The following EPHA3 variants were observed in gnomAD, a reference collection of about 807,000 sequenced individuals.
EPHA3 encodes the protein ephrin type-A receptor 3.
EPHA3 carries 42 observed loss-of-function variants against 107.1 expected under a neutral mutation model. The ratio of observed to expected loss-of-function variants is 0.39; its 90% CI spans 0.31 to 0.51. The LOEUF (loss-of-function observed/expected upper bound fraction) is 0.51, where lower values mean the gene tolerates loss of function less well. Ranked by LOEUF, EPHA3 falls within the 20% of genes least tolerant of loss-of-function variation. The probability of loss-of-function intolerance (pLI) is 0.78; values close to 1 mark genes in which losing one functional copy is unlikely to be tolerated. For synonymous variants in EPHA3, 461 were observed against 424.8 expected, an observed-to-expected ratio of 1.09 and a Z score of -1.05; for missense variants, 1,183 against 1,211.2, an observed-to-expected ratio of 0.98 and a Z score of 0.35.
chr3:89,166,874 A>G (rs1214559332), intron 2 of EPHA3, among the ~76,000 whole-genome samples: 1 of 152,152 alleles, frequency 6.6e-6, no homozygotes, highest in Non-Finnish European at 1.5e-5. Flanking sequence ...ACAAAAACAC[A>G]AGCACAGCAA....
At chr3:89,112,917 G>C (rs550397943) in intron 1 of EPHA3, among the ~76,000 whole-genome samples, 1 of 151,580 alleles carries the variant, frequency 6.6e-6, no homozygotes, top group Admixed American at 6.6e-5. Context: ...TTATTTTTTA[G>C]CCTGCACATT....
At chr3:89,466,425 C>T (rs1468229961) in intron 15 of EPHA3, among the ~76,000 whole-genome samples, 1 of 118,304 alleles carries the variant, frequency 8.5e-6, no homozygotes, top group Non-Finnish European at 1.8e-5. Context: ...CGCCCCTCCC[C>T]CAGCCTCGTT....
intron 13 of EPHA3, among the ~76,000 whole-genome samples, chr3:89,440,749 G>C (rs1709766853): frequency 6.6e-6 from 1 of 152,200 alleles, no homozygotes; most frequent in South Asian, 2.1e-4. Context: ...GAGTTTAGCA[G>C]TTATGTAGTG....
chr3:89,204,655 G>T (rs181712279), intron 2 of EPHA3, among the ~76,000 whole-genome samples: 31 of 144,372 alleles, frequency 2.1e-4, no homozygotes, highest in African/African-American at 7.2e-4. Flanking sequence ...AGACCAGAAT[G>T]GGCTAAGGAA....
At chr3:89,375,938 T>A (rs780660740) in intron 5 of EPHA3, among the ~76,000 whole-genome samples, 11 of 151,864 alleles carry the variant, frequency 7.2e-5, no homozygotes, top group Non-Finnish European at 1.5e-4. Context: ...ATGTTTCAGA[T>A]CTCCATAAAG....
Position 89,480,868 on chromosome 3 carries a change from C to T in EPHA3, c.*1366C>T, listed in dbSNP as rs1258698215. On this transcript the variant is annotated 3_prime_UTR_variant, in exon 17 of 17. Coordinates refer to ENST00000336596, the MANE Select transcript of EPHA3 (RefSeq NM_005233.6). The stretch of plus-strand genomic sequence containing the variant: ...GAAGGATTGAACTTCTTTGAATTTA[C>T]TGGACATAACATTTTCAGAATAGTT... The T allele has an allele frequency of 1.7e-5, 4 of 231,992 alleles. No homozygotes were observed. Among genetic ancestry groups the T allele is most frequent in the Non-Finnish European group, 3.4e-5 (4 of 117,092 alleles). 14.4% of individuals were successfully genotyped at this position (231,992 alleles called of 1,614,324 possible).
chr3:89,334,487 A>C (rs1230560267), intron 3 of EPHA3, among the ~76,000 whole-genome samples: 1 of 152,252 alleles, frequency 6.6e-6, no homozygotes, highest in Admixed American at 6.5e-5. Context: ...TTAACATTTT[A>C]AAGTGTCTAG....
Position 89,472,560 on chromosome 3 carries a change from G to A in EPHA3, c.2787G>A (p.Lys929=). The part of the protein sequence containing the change: ...WLNGVWTAHC[K]EIFTGVEYSS... ...ATGGTGTCTGGACAGCACACTGCAA[G>A]GAAATCTTCACGGGTGTGGAGTACA... The change falls in exon 16 of 17, where the codon AAG becomes AAA. Residue 929 remains lysine, a synonymous_variant. Transcript: ENST00000336596. The A allele has an allele frequency of 1.9e-6, 3 of 1,614,092 alleles. 1 individual carries two copies. Among genetic ancestry groups the A allele is most frequent in the Non-Finnish European group, 2.5e-6 (3 of 1,180,004 alleles).
intron 2 of EPHA3, among the ~76,000 whole-genome samples, chr3:89,177,145 T>C (rs1052480939): frequency 1.7e-4 from 26 of 152,154 alleles, no homozygotes; most frequent in African/African-American, 6.3e-4. Context: ...ATCTGAAATT[T>C]CCTAAATATT....
intron 11 of EPHA3, among the ~76,000 whole-genome samples, chr3:89,421,180 G>T (rs1020360033): frequency 2.6e-5 from 4 of 150,984 alleles, no homozygotes; most frequent in Non-Finnish European, 5.9e-5. Context: ...AAAATTTCTG[G>T]AACTATTAAT....
intron 5 of EPHA3, among the ~76,000 whole-genome samples, chr3:89,386,614 G>T (rs1708628290): frequency 6.6e-6 from 1 of 152,174 alleles, no homozygotes; most frequent in Non-Finnish European, 1.5e-5. Flanking sequence ...GGAAATGTGG[G>T]GTCCCCAGTG....
At chr3:89,365,731 G>C (rs887940778) in intron 5 of EPHA3, among the ~76,000 whole-genome samples, 2 of 150,630 alleles carry the variant, frequency 1.3e-5, no homozygotes, top group African/African-American at 4.8e-5. Flanking sequence ...AACAAGTAGA[G>C]AGGAATAGAG....
chr3:89,364,793 T>C (rs1055026978), intron 5 of EPHA3, among the ~76,000 whole-genome samples: 2 of 151,086 alleles, frequency 1.3e-5, no homozygotes, highest in Non-Finnish European at 3.0e-5. Context: ...ATCAGTGTAA[T>C]ACAGAGATTG....
chr3:89,475,619 G>T (rs1710490533), intron 16 of EPHA3, among the ~76,000 whole-genome samples: 1 of 152,194 alleles, frequency 6.6e-6, no homozygotes, highest in Non-Finnish European at 1.5e-5. Flanking sequence ...GAAAGGAAGA[G>T]AGAAAGGGAA....
At chr3:89,295,960 T>A (rs1296904785) in intron 3 of EPHA3, among the ~76,000 whole-genome samples, 2 of 152,310 alleles carry the variant, frequency 1.3e-5, no homozygotes, top group East Asian at 3.9e-4. Flanking sequence ...GGAATAATGT[T>A]CTTTGCTCAT....
chr3:89,389,986 T>C (rs1276382685), intron 5 of EPHA3, among the ~76,000 whole-genome samples: 1 of 152,056 alleles, frequency 6.6e-6, no homozygotes, highest in African/African-American at 2.4e-5. Flanking sequence ...GAGGTTCAAT[T>C]ATTAACTTTT....
At chr3:89,224,998 A>C (rs1429046255) in intron 3 of EPHA3, among the ~76,000 whole-genome samples, 1 of 152,160 alleles carries the variant, frequency 6.6e-6, no homozygotes, top group East Asian at 1.9e-4. Context: ...TTAAATAAAA[A>C]TTTAGCAATC....
intron 3 of EPHA3, among the ~76,000 whole-genome samples, chr3:89,213,330 T>C (rs1704151912): frequency 2.0e-5 from 3 of 152,022 alleles, no homozygotes; most frequent in African/African-American, 7.2e-5. Flanking sequence ...TAGATACCTA[T>C]AGGATGTGTA....
intron 5 of EPHA3, among the ~76,000 whole-genome samples, chr3:89,345,154 CT>C (rs1390080701): frequency 6.6e-6 from 1 of 151,060 alleles, no homozygotes; most frequent in Non-Finnish European, 1.5e-5. Flanking sequence ...GAATCTGCCG[CT>C]TTCCACTATT....
Sources: gnomAD v4.1 joint callset for allele counts (sites outside exome capture counted in the v4.1 genomes callset) on GRCh38, gnomAD v4.1.1 for gene constraint, MANE v1.5 for transcripts, NCBI Gene and HGNC (gene_info 2026-07-23, HGNC 2026-07-21) for gene names.